Variants in KCNH8 observed in about 807,000 individuals in gnomAD.
KCNH8 encodes potassium voltage-gated channel subfamily H member 8, also known as voltage-gated delayed rectifier potassium channel KCNH8.
KCNH8 carries 70 observed loss-of-function variants against 103.6 expected under a neutral mutation model. That is an observed-to-expected ratio of 0.68 (90% CI 0.56 to 0.82). The LOEUF (loss-of-function observed/expected upper bound fraction) is 0.82. Ranked by LOEUF, KCNH8 falls within the 40% of genes least tolerant of loss-of-function variation. KCNH8 has a pLI of 0.00. For synonymous variants in KCNH8, 498 were observed against 489.4 expected (o/e 1.02, Z -0.23); for missense variants, 1,217 against 1,329.9 (o/e 0.92, Z 1.32).
chr3:19,162,108 A>G (rs1477505504), intron 1 of KCNH8, among the ~76,000 whole-genome samples: 1 of 152,154 alleles, frequency 6.6e-6, no homozygotes, highest in Non-Finnish European at 1.5e-5. Flanking sequence ...ACTTGAAAAT[A>G]TTTAACCAAG....
rs34714826 is a variant in KCNH8 at position 19,326,356 on chromosome 3, A to AATATATATATATATATATATATATAT, written c.443-16229_443-16204dup. ...ACCCCTGAACTTACAATGAAAGTTAAATATATATATATATATATATATATA... is the reference window on the plus strand; with the variant it reads ...ACCCCTGAACTTACAATGAAAGTTAAATATATATATATATATATATATATATATATATATATATATATATATATATA... On this transcript the variant is annotated intron_variant, in intron 3 of 15. Coordinates refer to ENST00000328405, the MANE Select transcript of KCNH8 (RefSeq NM_144633.3). Among the ~76,000 whole-genome samples, 269 of 135,634 alleles carry AATATATATATATATATATATATATAT rather than the reference A, an allele frequency of 2.0e-3. 4 individuals are homozygous for AATATATATATATATATATATATATAT. The highest frequency in any genetic ancestry group is 4.7e-3 in the African/African-American group (168 of 35,862). 89.0% of individuals were successfully genotyped at this position (135,634 alleles called of 152,430 possible). A position where few individuals can be genotyped will look rare whatever the true frequency, so the allele number is the denominator to read the frequency against.
At chr3:19,159,102 T>G (rs985367386) in intron 1 of KCNH8, among the ~76,000 whole-genome samples, 3 of 151,924 alleles carry the variant, frequency 2.0e-5, no homozygotes, top group Admixed American at 6.6e-5. Flanking sequence ...TCCTATTTCA[T>G]TAAGCCTTTT....
chr3:19,311,212 T>TAA (rs2065203481), intron 3 of KCNH8, among the ~76,000 whole-genome samples: 1 of 151,798 alleles, frequency 6.6e-6, no homozygotes, highest in African/African-American at 2.4e-5. Context: ...ATTGATTGAG[T>TAA]AGTTACCATG....
rs1486062061 is a variant in KCNH8, at chr3:19,284,902, AAAAGG to A, written c.442+3578_442+3582del. On this transcript the variant is annotated intron_variant, in intron 3 of 15. Coordinates refer to ENST00000328405, the MANE Select transcript of KCNH8 (RefSeq NM_144633.3). ...AAAAAGAAAAGGAAAGAAAGAAAAG[AAAAGG>A]AAAGAAAGAAAAGAAAAGAAAAAGA... Among the ~76,000 whole-genome samples the A allele has an allele frequency of 1.4e-3, 214 of 149,960 alleles. 1 individual carries two copies. Among genetic ancestry groups the A allele is most frequent in the Admixed American group, 6.0e-3 (90 of 15,080 alleles).
At chr3:19,181,129 A>T (rs1460849978) in intron 1 of KCNH8, among the ~76,000 whole-genome samples, 1 of 152,182 alleles carries the variant, frequency 6.6e-6, no homozygotes, top group African/African-American at 2.4e-5. Flanking sequence ...TTGTGGCAAG[A>T]CATTTTTAGT....
At chr3:19,335,847 A>C (rs868242025) in intron 3 of KCNH8, among the ~76,000 whole-genome samples, 1 of 151,792 alleles carries the variant, frequency 6.6e-6, no homozygotes, top group Admixed American at 6.6e-5. Flanking sequence ...TAATTTTATA[A>C]TTTTTAAAGT....
intron 3 of KCNH8, among the ~76,000 whole-genome samples, chr3:19,321,344 C>A (rs1157393471): frequency 6.6e-6 from 1 of 152,016 alleles, no homozygotes; most frequent in Non-Finnish European, 1.5e-5. Context: ...TCTCTTAGCA[C>A]TGTCTTTGCT....
chr3:19,155,025 C>G (rs2125181250), intron 1 of KCNH8, among the ~76,000 whole-genome samples: 1 of 152,316 alleles, frequency 6.6e-6, no homozygotes, highest in African/African-American at 2.4e-5. Flanking sequence ...GTAATTTAAA[C>G]AGGCAAATAT....
chr3:19,465,934 T>TTTTA (rs372707941), intron 11 of KCNH8, among the ~76,000 whole-genome samples: 1 of 152,148 alleles, frequency 6.6e-6, no homozygotes, highest in African/African-American at 2.4e-5. Context: ...CTTTATTTTA[T>TTTTA]TTTATTTATT....
At chr3:19,497,432 T>C (rs1481678983) in intron 11 of KCNH8, among the ~76,000 whole-genome samples, 1 of 152,184 alleles carries the variant, frequency 6.6e-6, no homozygotes, top group African/African-American at 2.4e-5. Flanking sequence ...CCAAAGATTC[T>C]GGTATGTTGT....
intron 10 of KCNH8, 147 bp downstream of exon 10, chr3:19,451,551 G>T (rs932699774): frequency 1.4e-6 from 1 of 697,924 alleles, no homozygotes; most frequent in African/African-American, 1.8e-5. Flanking sequence ...AGTTTAGTGT[G>T]CCTATGTGTT....
chr3:19,342,908 T>G (rs1176675309), intron 4 of KCNH8, among the ~76,000 whole-genome samples, 194 bp downstream of exon 4: 2 of 152,096 alleles, frequency 1.3e-5, no homozygotes, highest in Non-Finnish European at 2.9e-5. Flanking sequence ...TAAAAGTACT[T>G]AATCATAGTG....
chr3:19,419,195 G>GTTTTTTTTTTTTTTTTTTTTTTTTTTT (rs1559318835), intron 7 of KCNH8, among the ~76,000 whole-genome samples: 1 of 128,754 alleles, frequency 7.8e-6, no homozygotes, highest in African/African-American at 2.9e-5. Flanking sequence ...AATGGTTTTG[G>GTTTTTTTTTTTTTTTTTTTTTTTTTTT]TTTTTTTTTT....
At chr3:19,258,937 CTCTCTCTCTCTATATATATATATATATA>C (rs1253320456) in intron 2 of KCNH8, among the ~76,000 whole-genome samples, 2 of 80,068 alleles carry the variant, frequency 2.5e-5, no homozygotes, top group African/African-American at 1.0e-4. Flanking sequence ...CTCTCTCTCT[CTCTCTCTCTCTATATATATATATATATA>C]TATATATATA....
At chr3:19,483,310 G>C (rs2068129497) in intron 11 of KCNH8, among the ~76,000 whole-genome samples, 1 of 152,102 alleles carries the variant, frequency 6.6e-6, no homozygotes, top group Admixed American at 6.5e-5. Context: ...ATTCCTTTTT[G>C]TGTGATTTGA....
chr3:19,378,838 A>G (rs546109888), intron 5 of KCNH8, among the ~76,000 whole-genome samples: 39 of 152,346 alleles, frequency 2.6e-4, no homozygotes, highest in African/African-American at 8.9e-4. Flanking sequence ...TATCAACGTA[A>G]AAAATTCTCC....
chr3:19,280,140 C>T (rs2064736462), intron 2 of KCNH8, among the ~76,000 whole-genome samples: 1 of 151,988 alleles, frequency 6.6e-6, no homozygotes, highest in Admixed American at 6.6e-5. Flanking sequence ...TTCTAAAATA[C>T]ATATTTTAAA....
chr3:19,335,815 GA>G (rs962718964), intron 3 of KCNH8, among the ~76,000 whole-genome samples: 1 of 151,634 alleles, frequency 6.6e-6, no homozygotes, highest in African/African-American at 2.4e-5. Flanking sequence ...ATAGAACTAT[GA>G]AAATACAATT....
At chr3:19,460,857 A>G (rs1045985171) in intron 11 of KCNH8, among the ~76,000 whole-genome samples, 6 of 152,138 alleles carry the variant, frequency 3.9e-5, no homozygotes, top group Non-Finnish European at 7.4e-5. Context: ...TGATGGTTTC[A>G]TAAGGGGCTT....
Sources: allele counts gnomAD v4.1 joint callset (sites outside exome capture counted in the v4.1 genomes callset), GRCh38; gene constraint gnomAD v4.1.1; transcripts MANE v1.5; gene names NCBI Gene and HGNC (gene_info 2026-07-23, HGNC 2026-07-21).